MYT1L: variants seen among roughly 807,000 people sequenced by gnomAD.
MYT1L encodes the protein myelin transcription factor 1-like protein.
A neutral mutation model predicts 126.7 loss-of-function variants in MYT1L; 12 were observed. The observed-to-expected ratio is 0.09, with a 90% CI of 0.06 to 0.15. The LOEUF (loss-of-function observed/expected upper bound fraction) is 0.15, where lower values mean the gene tolerates loss of function less well. MYT1L is among the 10% of genes least tolerant of loss of function. The pLI, the probability that MYT1L is intolerant of heterozygous loss-of-function variation, is 1.00. For synonymous variants in MYT1L, 541 were observed against 604.2 expected (o/e 0.90, Z 1.53); for missense variants, 979 against 1,585.2 (o/e 0.62, Z 6.49).
At chr2:1,967,952 G>A (rs1207126214) in intron 8 of MYT1L, among the ~76,000 whole-genome samples, 1 of 152,156 alleles carries the variant, frequency 6.6e-6, no homozygotes, top group Non-Finnish European at 1.5e-5. Flanking sequence ...AGCTTCCTCG[G>A]GCCCCTGCAC....
chr2:1,924,546 T>TTA, intron 9 of MYT1L, among the ~76,000 whole-genome samples: 1 of 152,204 alleles, frequency 6.6e-6, no homozygotes, highest in East Asian at 1.9e-4. Context: ...TCTATGGATT[T>TTA]TATGCAGAAA....
At chr2:1,941,509 A>AGC (rs1383694906) in intron 9 of MYT1L, among the ~76,000 whole-genome samples, 3 of 152,190 alleles carry the variant, frequency 2.0e-5, no homozygotes, top group Non-Finnish European at 4.4e-5. Flanking sequence ...TTTAATTCTT[A>AGC]GCATCTCATG....
At chr2:2,098,987 A>G (rs921980295) in intron 3 of MYT1L, among the ~76,000 whole-genome samples, 2 of 152,234 alleles carry the variant, frequency 1.3e-5, no homozygotes, top group South Asian at 2.1e-4. Flanking sequence ...ATCCACAGGA[A>G]GCAAGCCCAG....
rs966576143 is a variant in MYT1L, at chr2:2,302,593, C to T, written c.-520-18090G>A. ...TGCACATTCCTGTGGCGGATGTCTG[C>T]TTACAATGAACAATGAGTTCTTTCC... On this transcript the variant is annotated intron_variant, in intron 1 of 24. Coordinates refer to ENST00000647738, the MANE Select transcript of MYT1L (RefSeq NM_001303052.2). Among the ~76,000 whole-genome samples, 7 of 152,166 alleles carry T rather than the reference C, an allele frequency of 4.6e-5. No individual in the cohort carries two copies. In the South Asian group the frequency reaches 1.4e-3, roughly 32 times the overall value.
intron 21 of MYT1L, 25 bp from the exon 22 acceptor site, chr2:1,809,192 A>G (rs753224516): frequency 3.7e-6 from 6 of 1,606,692 alleles, no homozygotes; most frequent in African/African-American, 1.3e-5. Flanking sequence ...CAGGACGGCC[A>G]TTAGTCAACT....
intron 4 of MYT1L, among the ~76,000 whole-genome samples, chr2:2,015,619 C>G (rs1247017099): frequency 6.6e-6 from 1 of 152,148 alleles, no homozygotes; most frequent in Non-Finnish European, 1.5e-5. Context: ...AGACTCATAG[C>G]TGCTCTGGCT....
At chr2:2,236,602 C>A (rs1324232939) in intron 2 of MYT1L, among the ~76,000 whole-genome samples, 6 of 144,194 alleles carry the variant, frequency 4.2e-5, no homozygotes, top group African/African-American at 1.5e-4. Context: ...CCCAACCCAA[C>A]CCAGCACATC....
At chr2:2,022,985 A>G (rs894799113) in intron 4 of MYT1L, among the ~76,000 whole-genome samples, 2 of 152,158 alleles carry the variant, frequency 1.3e-5, no homozygotes, top group African/African-American at 4.8e-5. Context: ...GGAGAGGGTA[A>G]ATTTTCTTCA....
chr2:2,251,409 C>T (rs557350245), intron 2 of MYT1L, among the ~76,000 whole-genome samples: 1 of 152,284 alleles, frequency 6.6e-6, no homozygotes, highest in Middle Eastern at 3.4e-3. Context: ...GGTTTCCGCC[C>T]GTGAATGCCA....
intron 21 of MYT1L, among the ~76,000 whole-genome samples, chr2:1,830,347 G>A (rs1304217794): frequency 6.6e-6 from 1 of 152,232 alleles, no homozygotes; most frequent in Non-Finnish European, 1.5e-5. Flanking sequence ...TCAGGCTGCT[G>A]TGAGGATTAA....
chr2:2,097,788 T>C (rs2077604977), intron 3 of MYT1L, among the ~76,000 whole-genome samples: 1 of 152,166 alleles, frequency 6.6e-6, no homozygotes, highest in Non-Finnish European at 1.5e-5. Flanking sequence ...TACGATGTAG[T>C]GTGCATGTGT....
chr2:2,004,053 A>ATT (rs2062758379), intron 4 of MYT1L, among the ~76,000 whole-genome samples: 2 of 129,414 alleles, frequency 1.5e-5, no homozygotes, highest in East Asian at 2.4e-4. Context: ...TTTCCTGCAT[A>ATT]CTTTCCTGCA....
At chr2:2,146,020 C>T (rs1471542605) in intron 3 of MYT1L, among the ~76,000 whole-genome samples, 1 of 152,156 alleles carries the variant, frequency 6.6e-6, no homozygotes, top group Non-Finnish European at 1.5e-5. Context: ...TGCATTTTCC[C>T]ATCTTAACAA....
chr2:2,329,445 T>A (rs1364454675), intron 1 of MYT1L, among the ~76,000 whole-genome samples: 2 of 149,424 alleles, frequency 1.3e-5, no homozygotes, highest in Non-Finnish European at 3.0e-5. Context: ...ATAATATAGA[T>A]CCAGATCTCA....
At chr2:2,301,144 C>T (rs1293639527) in intron 1 of MYT1L, among the ~76,000 whole-genome samples, 1 of 152,072 alleles carries the variant, frequency 6.6e-6, no homozygotes, top group Non-Finnish European at 1.5e-5. Flanking sequence ...CCAGACCTTT[C>T]GCTCCGTGCC....
intron 3 of MYT1L, among the ~76,000 whole-genome samples, chr2:2,163,569 CA>C (rs576334004): frequency 0.045 from 6,220 of 137,924 alleles, 161 homozygotes; most frequent in African/African-American, 0.071. Flanking sequence ...AATAAAAATA[CA>C]AAAAAAAAAA....
intron 18 of MYT1L, among the ~76,000 whole-genome samples, chr2:1,870,469 G>A (rs1006371900): frequency 6.6e-6 from 1 of 152,220 alleles, no homozygotes; most frequent in African/African-American, 2.4e-5. Flanking sequence ...GGTGGCCATA[G>A]AGGGTCGGTC....
chr2:2,112,093 G>GC (rs749943202), intron 3 of MYT1L, among the ~76,000 whole-genome samples: 16 of 152,290 alleles, frequency 1.1e-4, no homozygotes, highest in Non-Finnish European at 1.6e-4. Context: ...TGAGCCCAGA[G>GC]CCCCCTCCCG....
intron 1 of MYT1L, among the ~76,000 whole-genome samples, chr2:2,314,051 T>C (rs2096020668): frequency 6.6e-6 from 1 of 152,214 alleles, no homozygotes; most frequent in Non-Finnish European, 1.5e-5. Flanking sequence ...TTTATGACAG[T>C]TCTTATAGTT....
Sources: allele counts gnomAD v4.1 joint callset (sites outside exome capture counted in the v4.1 genomes callset), GRCh38; gene constraint gnomAD v4.1.1; transcripts MANE v1.5; gene names NCBI Gene and HGNC (gene_info 2026-07-23, HGNC 2026-07-21).